USP36: variants seen among roughly 807,000 people sequenced by gnomAD.
The protein encoded by USP36 is ubiquitin specific peptidase 36, also known as ubiquitin carboxyl-terminal hydrolase 36.
A neutral mutation model predicts 111.5 loss-of-function variants in USP36; 59 were observed. The ratio of observed to expected loss-of-function variants is 0.53; its 90% CI spans 0.43 to 0.66. The LOEUF is 0.66. Among genes scored for constraint, USP36 ranks in the 30% least tolerant of loss-of-function variants. USP36 has a pLI of 0.00. For synonymous variants in USP36, 628 were observed against 581.0 expected (o/e 1.08, Z -1.16); for missense variants, 1,488 against 1,468.0 (o/e 1.01, Z -0.22).
rs1191531988 is a variant in USP36, at chr17:78,799,740, C to G, written c.3051G>C (p.Trp1017Cys). ...CCACATCAGACTCCCGCTCTCCATT[C>G]CAAGACACAGGAGGGGCCTGGCTCA... ...MGLSQAPPVS[W>C]NGERESDVVQ... The change falls in exon 18 of 21, where the codon TGG (tryptophan) becomes TGC (cysteine). Residue 1017 changes from tryptophan (W) to cysteine (C), a missense_variant. Physicochemically the swap from Trp to Cys is radical, Grantham distance 215 (BLOSUM62 -2). Around this residue, in one of 3 missense-constraint regions of USP36, gnomAD observed 1,073 missense variants for 994.1 expected, o/e 1.08. Transcript: ENST00000449938. 2 of 1,611,246 alleles carry G rather than the reference C, an allele frequency of 1.2e-6. No individual in the cohort carries two copies. The highest frequency in any genetic ancestry group is 3.4e-5 in the Admixed American group (2 of 59,518).
rs1204260514 is a variant in USP36 at position 78,820,981 on chromosome 17, A to T, written c.828+10T>A. On this transcript the variant is annotated intron_variant, in intron 8 of 20. Coordinates refer to ENST00000449938, the MANE Select transcript of USP36 (RefSeq NM_001385174.1). ...CTACTGCAAAAGTGAAGGGCAGGAC[A>T]GATCTGTACCCGGATCTCCAGCGCG... 1 of 1,606,260 alleles carries T rather than the reference A, an allele frequency of 6.2e-7. No individual in the cohort carries two copies. The highest frequency in any genetic ancestry group is 8.5e-7 in the Non-Finnish European group (1 of 1,176,146).
intron 13 of USP36, among the ~76,000 whole-genome samples, chr17:78,809,166 G>A (rs1166525081): frequency 6.6e-6 from 1 of 152,054 alleles, no homozygotes; most frequent in East Asian, 1.9e-4. Context: ...TATTTTACAA[G>A]GTTTTATTGC....
intron 3 of USP36, among the ~76,000 whole-genome samples, chr17:78,835,826 CTCTT>C (rs908701508): frequency 1.1e-4 from 17 of 152,172 alleles, no homozygotes; most frequent in Non-Finnish European, 2.2e-4. Flanking sequence ...CACCCCATTT[CTCTT>C]TCTTAGTTCC....
At chr17:78,790,614 T>C (rs2093575590) in intron 3 of USP36, among the ~76,000 whole-genome samples, 1 of 152,144 alleles carries the variant, frequency 6.6e-6, no homozygotes, top group Non-Finnish European at 1.5e-5. Context: ...CTCGACATCT[T>C]GGGCTCAAGC....
At position 78,823,323 on chromosome 17, in the gene USP36, C is replaced by T. The variant is rs770090124; in HGVS notation, c.690-1319G>A. 2.0e-5 allele frequency: 8 copies of T among 396,036 alleles called. No homozygotes were observed. In the South Asian group the frequency reaches 5.4e-4, roughly 26 times the overall value. The allele number at this position is 396,036 out of a possible 1,614,324, so 24.5% of individuals were successfully genotyped here. On this transcript the variant is annotated intron_variant, in intron 6 of 20. Coordinates refer to ENST00000449938, the MANE Select transcript of USP36 (RefSeq NM_001385174.1). ...AACTGTGGGTAGCTGCGTGTGATGGCGGCTACCAAAATCCAGACCACCCCC... is the reference window on the plus strand; with the variant it reads ...AACTGTGGGTAGCTGCGTGTGATGGTGGCTACCAAAATCCAGACCACCCCC...
chr17:78,806,725 T>A (rs2093911937), intron 14 of USP36, among the ~76,000 whole-genome samples: 1 of 152,238 alleles, frequency 6.6e-6, no homozygotes, highest in South Asian at 2.1e-4. Flanking sequence ...CAAACCTCCA[T>A]GAGTCACATG....
chr17:78,814,700 C>A (rs775873476), intron 10 of USP36, 148 bp from the exon 11 acceptor site: 24 of 988,946 alleles, frequency 2.4e-5, no homozygotes, highest in Admixed American at 1.4e-4. Context: ...CGCCTGTAAT[C>A]CCAGCACTTT....
intron 4 of USP36, among the ~76,000 whole-genome samples, chr17:78,832,750 C>T (rs1017553883): frequency 1.3e-5 from 2 of 152,144 alleles, no homozygotes; most frequent in Non-Finnish European, 2.9e-5. Context: ...AACCATGAGA[C>T]GAAAACAACA....
At chr17:78,806,703 T>C (rs1181421557) in intron 14 of USP36, among the ~76,000 whole-genome samples, 1 of 152,222 alleles carries the variant, frequency 6.6e-6, no homozygotes, top group East Asian at 1.9e-4. Context: ...AACAGGGAAC[T>C]GCTACCTTGC....
intron 8 of USP36, among the ~76,000 whole-genome samples, chr17:78,820,297 G>A (rs1279817672): frequency 6.6e-6 from 1 of 152,154 alleles, no homozygotes; most frequent in East Asian, 1.9e-4. Flanking sequence ...AACATAGCAA[G>A]ACCCCTGTCT....
intron 4 of USP36, among the ~76,000 whole-genome samples, chr17:78,832,730 T>G (rs2068263013): frequency 6.6e-6 from 1 of 152,172 alleles, no homozygotes; most frequent in Non-Finnish European, 1.5e-5. Flanking sequence ...TAGCAGAGTC[T>G]TACTGCCAAA....
At chr17:78,794,030 A>T (rs1441600457), downstream of USP36, among the ~76,000 whole-genome samples, 1 of 152,050 alleles carries the variant, frequency 6.6e-6, no homozygotes, top group Non-Finnish European at 1.5e-5. Context: ...GAACCCAACT[A>T]ACCACCCTAG....
intron 13 of USP36, 38 bp downstream of exon 13, chr17:78,812,822 A>G (rs1267430638): frequency 6.2e-7 from 1 of 1,610,084 alleles, no homozygotes; most frequent in African/African-American, 1.3e-5. Flanking sequence ...AGGAGCACCA[A>G]GACCAGCCAC....
At chr17:78,807,667 AG>A in intron 13 of USP36, 31 bp from the exon 14 acceptor site, 1 of 1,509,384 alleles carries the variant, frequency 6.6e-7, no homozygotes, top group Non-Finnish European at 8.9e-7. Flanking sequence ...AACACAACTG[AG>A]GAAGCGAGAA....
chr17:78,815,799 C>T (rs1038086561), intron 10 of USP36, among the ~76,000 whole-genome samples: 2 of 151,686 alleles, frequency 1.3e-5, no homozygotes, highest in African/African-American at 2.4e-5. Flanking sequence ...TACATACATG[C>T]ATACATACAT....
chr17:78,820,475 A>G (rs947908751), intron 8 of USP36, among the ~76,000 whole-genome samples: 1 of 150,996 alleles, frequency 6.6e-6, no homozygotes, highest in Non-Finnish European at 1.5e-5. Flanking sequence ...AAGCCCCTAT[A>G]AAAAAAAAGC....
intron 4 of USP36, among the ~76,000 whole-genome samples, chr17:78,833,477 T>A (rs553177099): frequency 6.6e-6 from 1 of 152,116 alleles, no homozygotes; most frequent in South Asian, 2.1e-4. Context: ...CACTCCCTCT[T>A]TGCGGGCTGC....
At chr17:78,794,694 C>T (rs1255369353), downstream of USP36, among the ~76,000 whole-genome samples, 6 of 152,192 alleles carry the variant, frequency 3.9e-5, no homozygotes, top group East Asian at 1.9e-4. Flanking sequence ...GAGGCCAAGA[C>T]GGGCAGATCA....
In USP36 at chr17:78,806,216, G is replaced by A. The variant is rs771828330; in HGVS notation, c.2156C>T (p.Thr719Ile). The change falls in exon 15 of 21, where the codon ACC becomes ATC. Residue 719 changes from threonine (T) to isoleucine (I), a missense_variant. Thr to Ile is a moderately conservative substitution (Grantham distance 89). Around this residue, in one of 3 missense-constraint regions of USP36, gnomAD observed 1,073 missense variants for 994.1 expected, o/e 1.08. Transcript: ENST00000449938. ...GGGGTGAGAGGTTTTCATGGGGTGG[G>A]TGAGGTCGGAGGATGGTGAGGGGGG... ...PPPPSPSSDL[T>I]HPMKTSHPVV... 4.3e-6 allele frequency: 7 copies of A among 1,613,688 alleles called. No homozygotes were observed. In the East Asian group the frequency reaches 6.7e-5, roughly 15 times the overall value.
Sources: gnomAD v4.1 joint callset for allele counts (sites outside exome capture counted in the v4.1 genomes callset) on GRCh38, gnomAD v4.1.1 for gene constraint, gnomAD v4.1.1 regional missense constraint, MANE v1.5 for transcripts, NCBI Gene and HGNC (gene_info 2026-07-23, HGNC 2026-07-21) for gene names.